PPIP5K1: variants seen among roughly 807,000 people sequenced by gnomAD.
PPIP5K1 encodes diphosphoinositol pentakisphosphate kinase 1.
PPIP5K1 carries 6 observed loss-of-function variants against 27.7 expected under a neutral mutation model. The observed-to-expected ratio is 0.22, with a 90% CI of 0.12 to 0.43. The LOEUF (loss-of-function observed/expected upper bound fraction) is 0.43. Ranked by LOEUF, PPIP5K1 falls within the 20% of genes least tolerant of loss-of-function variation. The pLI, the probability that PPIP5K1 is intolerant of heterozygous loss-of-function variation, is 1.00. For missense variants in PPIP5K1, 394 were observed against 635.4 expected (o/e 0.62, Z 4.08); for synonymous variants, 145 against 242.6 (o/e 0.60, Z 3.74).
At chr15:43,539,150 G>C (rs549544486) in intron 31 of PPIP5K1, among the ~76,000 whole-genome samples, 59 of 151,684 alleles carry the variant, frequency 3.9e-4, no homozygotes, top group African/African-American at 1.4e-3. Flanking sequence ...GGCAGACGTT[G>C]CAGTGAGCCA....
Position 43,581,345 on chromosome 15 carries a change from T to C in PPIP5K1, c.821A>G (p.Lys274Arg), listed in dbSNP as rs145184127. The C allele has an allele frequency of 3.7e-4, 589 of 1,609,912 alleles. No homozygotes were observed. The African/African-American group carries it at 7.1e-3, about 20-fold the overall frequency. ...AACCTTCCCATCCAAAGCTGGAGAT[T>C]TTCTAGCTTCAGCATGGGCATAATC... is the stretch of plus-strand genomic sequence containing the variant. ...GPDYAHAEAR[K>R]SPALDGKVER... Residue 274 changes from lysine to arginine, a missense_variant, in exon 9 of 32, where the codon AAA becomes AGA. Transcript: ENST00000420765.
rs775774639 is a variant in PPIP5K1, at chr15:43,539,483, C to T, written c.3657G>A (p.Glu1219=). 1.3e-6 allele frequency: 2 copies of T among 1,594,780 alleles called. No homozygotes were observed. Among genetic ancestry groups the T allele is most frequent in the Non-Finnish European group, 1.7e-6 (2 of 1,165,850 alleles). Reference sequence around the variant, plus strand: ...AGGATTACTTACACCAAGGGGGCTTCTCAGAGCGCTGCTGGAGTTGCAGGG... The same window carrying T: ...AGGATTACTTACACCAAGGGGGCTTTTCAGAGCGCTGCTGGAGTTGCAGGG... ...SPPLQLQQRS[E]KPPWYSSGPS... The change falls in exon 31 of 32, where the codon GAG becomes GAA. Residue 1219 remains glutamate (E), a synonymous_variant. Coordinates refer to ENST00000420765, the MANE Select transcript of PPIP5K1 (RefSeq NM_001394395.1).
intron 30 of PPIP5K1, among the ~76,000 whole-genome samples, chr15:43,556,752 T>C (rs1258050828): frequency 2.6e-5 from 4 of 152,168 alleles, no homozygotes; most frequent in Non-Finnish European, 5.9e-5. Context: ...TCTTCTCCGC[T>C]CCCTCTGGAA....
rs1323409195 is a variant in PPIP5K1 at position 43,542,662 on chromosome 15, G to GTGTT, written c.3557-3080_3557-3079insAACA. 3.4e-3 allele frequency among the ~76,000 whole-genome samples: 507 copies of GTGTT among 147,058 alleles called. 3 individuals carry two copies. The highest frequency in any genetic ancestry group is 0.01 in the African/African-American group (402 of 38,952). On this transcript the variant is annotated intron_variant, in intron 30 of 31. Coordinates refer to ENST00000420765, the MANE Select transcript of PPIP5K1 (RefSeq NM_001394395.1). ...ATATATATTCAGTGTGTGTGTGTGT[G>GTGTT]TGTGTGTGTGTGTGTGTGTGTGTGT...
intron 30 of PPIP5K1, among the ~76,000 whole-genome samples, chr15:43,543,473 A>C (rs1701749596): frequency 6.6e-6 from 1 of 152,046 alleles, no homozygotes; most frequent in African/African-American, 2.4e-5. Context: ...ATGGAGAGTA[A>C]TTTCTACAAA....
intron 30 of PPIP5K1, among the ~76,000 whole-genome samples, chr15:43,541,147 G>A (rs998376818): frequency 6.6e-6 from 1 of 151,924 alleles, no homozygotes; most frequent in Non-Finnish European, 1.5e-5. Flanking sequence ...ACAGGGTCTC[G>A]CTGTCACCCA....
chr15:43,539,441 G>C, intron 31 of PPIP5K1, 29 bp downstream of exon 31: 1 of 1,463,026 alleles, frequency 6.8e-7, no homozygotes, highest in African/African-American at 1.4e-5. Flanking sequence ...CATGACTTTT[G>C]TCTAGGCAGT....
chr15:43,534,695 C>T lies in PPIP5K1; in HGVS notation c.4452G>A (p.Glu1484=), dbSNP rs2079589550. 1 of 1,526,136 alleles carries T rather than the reference C, an allele frequency of 6.6e-7. No homozygotes were observed. The highest frequency in any genetic ancestry group is 8.8e-7 in the Non-Finnish European group (1 of 1,140,954). 94.5% of individuals were successfully genotyped at this position (1,526,136 alleles called of 1,614,324 possible). The change falls in exon 32 of 32, where the codon GAG becomes GAA. Residue 1484 remains glutamate, a synonymous_variant. Coordinates refer to ENST00000420765, the MANE Select transcript of PPIP5K1 (RefSeq NM_001394395.1). ...ACTTCTAATTTATCTCCTCAGGGAC[C>T]TCCTGGGCCTGCAGATCAATCTCCT... The part of the protein sequence containing the change: ...FPEEIDLQAQ[E]VPEEIN
intron 30 of PPIP5K1, among the ~76,000 whole-genome samples, chr15:43,546,043 C>T (rs544846017): frequency 2.5e-4 from 38 of 151,608 alleles, no homozygotes; most frequent in African/African-American, 8.5e-4. Flanking sequence ...AATCTCCATT[C>T]CATCCTACTC....
chr15:43,541,676 A>G (rs1248032506), intron 30 of PPIP5K1, among the ~76,000 whole-genome samples: 1 of 151,772 alleles, frequency 6.6e-6, no homozygotes, highest in Non-Finnish European at 1.5e-5. Flanking sequence ...GTAAGCCAAG[A>G]TCATGCCACT....
At chr15:43,540,210 C>T (rs1329648649) in intron 30 of PPIP5K1, among the ~76,000 whole-genome samples, 4 of 151,062 alleles carry the variant, frequency 2.6e-5, no homozygotes, top group Non-Finnish European at 5.9e-5. Flanking sequence ...TGAGATCGCA[C>T]CACTGCACTC....
chr15:43,558,564 C>A (rs550238348), intron 30 of PPIP5K1, among the ~76,000 whole-genome samples: 21 of 151,928 alleles, frequency 1.4e-4, no homozygotes, highest in Non-Finnish European at 2.8e-4. Flanking sequence ...GCCATCTTGG[C>A]CAGGCTTGTC....
chr15:43,537,769 T>C (rs1052220662), intron 31 of PPIP5K1, among the ~76,000 whole-genome samples: 1 of 148,734 alleles, frequency 6.7e-6, no homozygotes, highest in Non-Finnish European at 1.5e-5. Context: ...TTAAGAGATG[T>C]GGAGCCTATT....
chr15:43,542,934 C>T (rs2080948157), intron 30 of PPIP5K1, among the ~76,000 whole-genome samples: 1 of 152,178 alleles, frequency 6.6e-6, no homozygotes, highest in African/African-American at 2.4e-5. Flanking sequence ...CCCACTTCAG[C>T]CTCCTGAGTA....
In PPIP5K1 at chr15:43,552,066, AC is replaced by A. The variant is rs556278820; in HGVS notation, c.3556+6728del. ...CCTTCCAGGCATAAGCTCTCCTCCC[AC>A]CTCAGACTCCCAAGCACCTGGGATT... On this transcript the variant is annotated intron_variant, in intron 30 of 31. Coordinates refer to ENST00000420765, the MANE Select transcript of PPIP5K1 (RefSeq NM_001394395.1). 2.4e-3 allele frequency among the ~76,000 whole-genome samples: 363 copies of A among 149,260 alleles called. 1 individual carries two copies. The highest frequency in any genetic ancestry group is 8.5e-3 in the African/African-American group (341 of 40,288).
At chr15:43,542,725 T>C (rs2080929326) in intron 30 of PPIP5K1, among the ~76,000 whole-genome samples, 1 of 149,466 alleles carries the variant, frequency 6.7e-6, no homozygotes, top group African/African-American at 2.5e-5. Flanking sequence ...ACTCTGTCAG[T>C]GGCTGGAATG....
At chr15:43,537,707 AGAG>A (rs146483178) in intron 31 of PPIP5K1, among the ~76,000 whole-genome samples, 12,131 of 97,792 alleles carry the variant, frequency 0.12, 1,381 homozygotes, top group Middle Eastern at 0.15. Context: ...AAAAAAAAAA[AGAG>A]AGAGAGAGAG....
chr15:43,543,085 C>A (rs2080967955), intron 30 of PPIP5K1, among the ~76,000 whole-genome samples: 1 of 151,560 alleles, frequency 6.6e-6, no homozygotes, highest in South Asian at 2.1e-4. Context: ...TCATCCTGGG[C>A]TTTCTTTGCC....
chr15:43,558,796 T>G lies in PPIP5K1; in HGVS notation c.3555A>C (p.Ala1185=), dbSNP rs752474609. Residue 1185 remains alanine (A), a splice_region_variant and synonymous_variant, in exon 30 of 32, where the codon GCA becomes GCC. Coordinates refer to ENST00000420765, the MANE Select transcript of PPIP5K1 (RefSeq NM_001394395.1). ...RHTDAQAQAS[A]ALFDSMHSSQ... ...GTAAAAAAATAAGAATATCCCTACCTGCAGATGCCTGTGCCTGGGCATCAG... is the reference window on the plus strand; with the variant it reads ...GTAAAAAAATAAGAATATCCCTACCGGCAGATGCCTGTGCCTGGGCATCAG... 1.2e-6 allele frequency: 2 copies of G among 1,613,944 alleles called. No individual in the cohort carries two copies. The highest frequency in any genetic ancestry group is 2.2e-5 in the East Asian group (1 of 44,880).
Sources: allele counts gnomAD v4.1 joint callset (sites outside exome capture counted in the v4.1 genomes callset), GRCh38; gene constraint gnomAD v4.1.1; transcripts MANE v1.5; gene names NCBI Gene and HGNC (gene_info 2026-07-23, HGNC 2026-07-21).